GRIFIN: variants seen among roughly 807,000 people sequenced by gnomAD.
The protein encoded by GRIFIN is galectin-related inter-fiber protein.
GRIFIN carries 22 observed loss-of-function variants against 18.2 expected under a neutral mutation model. The observed-to-expected ratio is 1.21, with a 90% CI of 0.86 to 1.73. The LOEUF is 1.73. GRIFIN is among the 40% of genes most tolerant of loss of function. The pLI is 0.00. For synonymous variants in GRIFIN, 101 were observed against 82.8 expected, an observed-to-expected ratio of 1.22 and a Z score of -1.19; for missense variants, 200 against 190.1, an observed-to-expected ratio of 1.05 and a Z score of -0.31.
intron 1 of GRIFIN, 103 bp from the exon 2 acceptor site, chr7:2,476,102 C>T (rs1226487843): frequency 8.1e-6 from 8 of 987,630 alleles, no homozygotes; most frequent in Non-Finnish European, 1.2e-5. Flanking sequence ...TCCCTGCCCA[C>T]CCAGCCTGCC....
chr7:2,475,053 C>G lies in GRIFIN; in HGVS notation c.419+88G>C, dbSNP rs979989249. ...CCCTCCCCAGGCGGAGGAGGGTCCC[C>G]GGATCAGGGTGAGAAGCAAAATCCC... On this transcript the variant is annotated intron_variant, in intron 4 of 4. Transcript: ENST00000614228. 2.1e-6 allele frequency: 3 copies of G among 1,440,068 alleles called. No homozygotes were observed. In the South Asian group the frequency reaches 4.0e-5, roughly 19 times the overall value. The allele number at this position is 1,440,068 out of a possible 1,614,324, so 89.2% of individuals were successfully genotyped here.
chr7:2,475,905 G>C lies in GRIFIN; in HGVS notation c.92+15C>G, dbSNP rs146419451. On this transcript the variant is annotated intron_variant, in intron 2 of 4. Coordinates refer to ENST00000614228, the MANE Select transcript of GRIFIN (RefSeq NM_001394787.1). ...CCAGCCCAAGGCCCAGCGAGGGGAG[G>C]GCGGTGCCGCTGACCTGTCCTCTCC... 190 of 1,597,422 alleles carry C rather than the reference G, an allele frequency of 1.2e-4. No homozygotes were observed. Among genetic ancestry groups the C allele is most frequent in the Admixed American group, 1.8e-4 (11 of 59,920 alleles).
intron 3 of GRIFIN, 53 bp downstream of exon 3, chr7:2,475,616 T>C: frequency 7.0e-7 from 1 of 1,429,174 alleles, no homozygotes. Context: ...TGGCCCCCTG[T>C]TCCCCCACGG....
In GRIFIN at chr7:2,475,270, T is replaced by C. The variant is rs370224795; in HGVS notation, c.290A>G (p.Tyr97Cys). The C allele has an allele frequency of 6.3e-7, 1 of 1,596,776 alleles. No homozygotes were observed. Residue 97 changes from tyrosine (Y) to cysteine (C), a missense_variant, in exon 4 of 5, where the codon TAC becomes TGC. Physicochemically the swap from Tyr to Cys is radical, Grantham distance 194. Transcript: ENST00000614228. ...CTGTAGCACCTTGTGCTCCGGGGCG[T>C]AGACGTGGAAGTGCTCCGCGTCCCA... ...VSWDAEHFHV[Y>C]APEHKVLQFP...
In GRIFIN at chr7:2,476,000, C is replaced by T. The variant is rs757472334; in HGVS notation, c.13-1G>A. ...GGCCGCCCGCACAGAAGGCTTTAGA[C>T]TGAGTGGAAGAGACAGGGGGACCAG... On this transcript the variant is annotated splice_acceptor_variant, in intron 1 of 4. Coordinates refer to ENST00000614228, the MANE Select transcript of GRIFIN (RefSeq NM_001394787.1). LOFTEE classifies it high-confidence loss of function. 6.3e-7 allele frequency: 1 copy of T among 1,597,456 alleles called. No homozygotes were observed. The highest frequency in any genetic ancestry group is 8.5e-7 in the Non-Finnish European group (1 of 1,179,426).
At chr7:2,476,224 G>T in intron 1 of GRIFIN, 148 bp downstream of exon 1, 1 of 1,035,458 alleles carries the variant, frequency 9.7e-7, no homozygotes, top group Admixed American at 2.3e-5. Flanking sequence ...CAGCTCTGGG[G>T]GGACCTTCAC....
At chr7:2,476,241 G>A (rs1394767373) in intron 1 of GRIFIN, 131 bp downstream of exon 1, 10 of 1,169,080 alleles carry the variant, frequency 8.6e-6, no homozygotes, top group South Asian at 2.7e-5. Context: ...TCACCCTGAC[G>A]CCCTCTCAGC....
intron 1 of GRIFIN, 85 bp from the exon 2 acceptor site, chr7:2,476,084 C>T: frequency 8.9e-7 from 1 of 1,125,748 alleles, no homozygotes; most frequent in South Asian, 1.5e-5. Flanking sequence ...CCCATCTGTC[C>T]AGGAAGGTCC....
intron 3 of GRIFIN, 110 bp from the exon 4 acceptor site, chr7:2,475,417 C>G (rs570355994): frequency 7.2e-7 from 1 of 1,392,940 alleles, no homozygotes; most frequent in African/African-American, 1.4e-5. Flanking sequence ...GACAGCCTGG[C>G]AGGCCCCGGG....
intron 1 of GRIFIN, 63 bp from the exon 2 acceptor site, chr7:2,476,062 C>A (rs554752001): frequency 1.5e-6 from 2 of 1,345,776 alleles, no homozygotes; most frequent in Non-Finnish European, 1.0e-6. Context: ...CCCACCCCCA[C>A]CCCCACCCTA....
In GRIFIN at chr7:2,475,286, C is replaced by G; in HGVS notation, c.274G>C (p.Glu92Gln). 6.3e-7 allele frequency: 1 copy of G among 1,595,252 alleles called. No individual in the cohort carries two copies. The highest frequency in any genetic ancestry group is 8.5e-7 in the Non-Finnish European group (1 of 1,178,310). ...TCCGGGGCGTAGACGTGGAAGTGCT[C>G]CGCGTCCCAGCTGACCTCTATCTGG... ...PFEIEVSWDA[E>Q]HFHVYAPEHK... Residue 92 changes from glutamate to glutamine, a missense_variant, in exon 4 of 5, where the codon GAG becomes CAG. Physicochemically the swap from Glu to Gln is conservative, Grantham distance 29 (BLOSUM62 2). Coordinates refer to ENST00000614228, the MANE Select transcript of GRIFIN (RefSeq NM_001394787.1).
At position 2,476,014 on chromosome 7, in the gene GRIFIN, C is replaced by G. The variant is rs1778958559; in HGVS notation, c.13-15G>C. 6.3e-7 allele frequency: 1 copy of G among 1,594,392 alleles called. No individual in the cohort carries two copies. Among genetic ancestry groups the G allele is most frequent in the Admixed American group, 1.7e-5 (1 of 59,842 alleles). On this transcript the variant is annotated splice_polypyrimidine_tract_variant and intron_variant, in intron 1 of 4. Transcript: ENST00000614228. ...AAGGCTTTAGACTGAGTGGAAGAGA[C>G]AGGGGGACCAGCCTCATGGGGCTGC...
Position 2,475,265 on chromosome 7 carries a change from G to GGGCGTAGACGTGGAAGTGCTCCGC in GRIFIN, c.271_294dup (p.Ala91_Ala98dup), listed in dbSNP as rs1778938243. 1 of 1,596,890 alleles carries GGGCGTAGACGTGGAAGTGCTCCGC rather than the reference G, an allele frequency of 6.3e-7. No individual in the cohort carries two copies. Among genetic ancestry groups the GGGCGTAGACGTGGAAGTGCTCCGC allele is most frequent in the African/African-American group, 1.3e-5 (1 of 74,854 alleles). On this transcript the variant is annotated inframe_insertion, in exon 4 of 5. Transcript: ENST00000614228. ...GGGAACTGTAGCACCTTGTGCTCCG[G>GGGCGTAGACGTGGAAGTGCTCCGC]GGCGTAGACGTGGAAGTGCTCCGCG...
At position 2,475,924 on chromosome 7, in the gene GRIFIN, C is replaced by T; in HGVS notation, c.88G>A (p.Asp30Asn). 1.3e-6 allele frequency: 2 copies of T among 1,598,270 alleles called. No individual in the cohort carries two copies. The highest frequency in any genetic ancestry group is 1.1e-5 in the South Asian group (1 of 91,046). Residue 30 changes from aspartate to asparagine, a missense_variant, in exon 2 of 5, where the codon GAC becomes AAC. Physicochemically the swap from Asp to Asn is conservative, Grantham distance 23. Coordinates refer to ENST00000614228, the MANE Select transcript of GRIFIN (RefSeq NM_001394787.1). Reference protein sequence around the residue: ...LVQGHADSGEDRFETNFLLET... With the variant: ...LVQGHADSGENRFETNFLLET... The stretch of plus-strand genomic sequence containing the variant: ...GGGGAGGGCGGTGCCGCTGACCTGT[C>T]CTCTCCAGAGTCAGCATGTCCCTGG...
Position 2,475,653 on chromosome 7 carries a change from C to A in GRIFIN, c.252+16G>T. 6.8e-7 allele frequency: 1 copy of A among 1,476,964 alleles called. No homozygotes were observed. The highest frequency in any genetic ancestry group is 9.0e-7 in the Non-Finnish European group (1 of 1,113,684). The allele number at this position is 1,476,964 out of a possible 1,614,324, so 91.5% of individuals were successfully genotyped here. A position where few individuals can be genotyped will look rare whatever the true frequency, so the allele number is the denominator to read the frequency against. On this transcript the variant is annotated intron_variant, in intron 3 of 4. Coordinates refer to ENST00000614228, the MANE Select transcript of GRIFIN (RefSeq NM_001394787.1). ...CCTTCCCTGCCTAGCCCAGGCCCCA[C>A]CCAGGCCCCTGTCACCTCAAAGGGC...
In GRIFIN at chr7:2,475,246, T is replaced by C; in HGVS notation, c.314A>G (p.Gln105Arg). 6.3e-7 allele frequency: 1 copy of C among 1,597,430 alleles called. No individual in the cohort carries two copies. Among genetic ancestry groups the C allele is most frequent in the South Asian group, 1.1e-5 (1 of 90,718 alleles). ...HVYAPEHKVL[Q>R]FPCRQRPLGA... ...CAGCGGCCTCTGACGGCATGGGAACTGTAGCACCTTGTGCTCCGGGGCGTA... is the reference window on the plus strand; with the variant it reads ...CAGCGGCCTCTGACGGCATGGGAACCGTAGCACCTTGTGCTCCGGGGCGTA... The change falls in exon 4 of 5, where the codon CAG becomes CGG. Residue 105 changes from glutamine (Q) to arginine (R), a missense_variant. Transcript: ENST00000614228.
In GRIFIN at chr7:2,475,054, G is replaced by T. The variant is rs546535346; in HGVS notation, c.419+87C>A. ...CCTCCCCAGGCGGAGGAGGGTCCCC[G>T]GATCAGGGTGAGAAGCAAAATCCCT... On this transcript the variant is annotated intron_variant, in intron 4 of 4. Transcript: ENST00000614228. 6 of 1,443,014 alleles carry T rather than the reference G, an allele frequency of 4.2e-6. No homozygotes were observed. The East Asian group carries it at 1.2e-4, about 30-fold the overall frequency. 89.4% of individuals were successfully genotyped at this position (1,443,014 alleles called of 1,614,324 possible). A position where few individuals can be genotyped will look rare whatever the true frequency, so the allele number is the denominator to read the frequency against.
At chr7:2,476,335 C>T (rs745384152) in intron 1 of GRIFIN, 37 bp downstream of exon 1, 35 of 1,559,582 alleles carry the variant, frequency 2.2e-5, no homozygotes, top group Non-Finnish European at 3.0e-5. Flanking sequence ...CCCAGCCCTG[C>T]ACCGTTCTCC....
intron 1 of GRIFIN, 186 bp from the exon 2 acceptor site, chr7:2,476,185 G>T: frequency 2.8e-6 from 1 of 357,878 alleles, no homozygotes; most frequent in Non-Finnish European, 3.9e-6. Flanking sequence ...CCAGGGCTGG[G>T]GTGGGAGGGA....
Sources: gnomAD v4.1 joint callset for allele counts on GRCh38, gnomAD v4.1.1 for gene constraint, MANE v1.5 for transcripts, NCBI Gene and HGNC (gene_info 2026-07-23, HGNC 2026-07-21) for gene names.